Variants in APBB2 observed in about 807,000 individuals in gnomAD.
APBB2 encodes the protein amyloid beta precursor protein binding family B member 2.
In APBB2, 38 loss-of-function variants were observed where a neutral mutation model predicts 82.5. The ratio of observed to expected loss-of-function variants is 0.46; its 90% confidence interval spans 0.36 to 0.60. APBB2 has a LOEUF of 0.60. Among genes scored for constraint, APBB2 ranks in the 20% least tolerant of loss-of-function variants. The probability of loss-of-function intolerance (pLI) is 0.00; values close to 1 mark genes in which losing one functional copy is unlikely to be tolerated. For missense variants in APBB2, 772 were observed against 972.3 expected (o/e 0.79, Z 2.74); for synonymous variants, 341 against 368.2 (o/e 0.93, Z 0.85).
In APBB2 at chr4:41,013,619, G is replaced by A. The variant is rs372303089; in HGVS notation, c.799C>T (p.Gln267Ter). Residue 267 changes from glutamine to a stop codon, truncating the protein, a stop_gained, in exon 6 of 18, where the codon CAA (glutamine) becomes TAA (stop). Transcript: ENST00000508593. LOFTEE classifies it high-confidence loss of function. Reference protein sequence around the residue: ...DEESSWTTLSQDSASPSSPDE... With the variant: ...DEESSWTTLS ...GGGGAGCTGGGTGAGGCACTGTCTT[G>A]GGACAACGTTGTCCAGCTGGACTCC... 1 of 1,614,190 alleles carries A rather than the reference G, an allele frequency of 6.2e-7. No homozygotes were observed. Among genetic ancestry groups the A allele is most frequent in the East Asian group, 2.2e-5 (1 of 44,878 alleles).
intron 2 of APBB2, 41 bp from the exon 3 acceptor site, chr4:41,100,791 A>G (rs1745081321): frequency 6.6e-6 from 1 of 152,228 alleles, no homozygotes; most frequent in South Asian, 2.1e-4. Flanking sequence ...ATTCAAAATC[A>G]TATCAGAAAT....
At chr4:41,174,660 C>T (rs1357185055) in intron 1 of APBB2, among the ~76,000 whole-genome samples, 3 of 152,168 alleles carry the variant, frequency 2.0e-5, no homozygotes, top group Non-Finnish European at 4.4e-5. Flanking sequence ...GTATCTGACT[C>T]GCTTCATTGA....
chr4:41,040,779 A>G (rs1233064946), intron 4 of APBB2, among the ~76,000 whole-genome samples: 1 of 152,226 alleles, frequency 6.6e-6, no homozygotes, highest in African/African-American at 2.4e-5. Flanking sequence ...AACTAAAAAA[A>G]AGGGGCCTCT....
At chr4:40,843,369 A>C (rs1010177562) in intron 12 of APBB2, among the ~76,000 whole-genome samples, 1 of 152,202 alleles carries the variant, frequency 6.6e-6, no homozygotes, top group Admixed American at 6.5e-5. Flanking sequence ...GTGGAAAGGA[A>C]GAGCTGCTCA....
At chr4:40,850,951 A>C (rs1449029335) in intron 12 of APBB2, among the ~76,000 whole-genome samples, 2 of 152,184 alleles carry the variant, frequency 1.3e-5, no homozygotes, top group African/African-American at 2.4e-5. Flanking sequence ...GTCTCAAAAA[A>C]AAAATTTTTT....
intron 13 of APBB2, 44 bp from the exon 14 acceptor site, chr4:40,827,263 C>T: frequency 1.3e-6 from 2 of 1,554,954 alleles, no homozygotes; most frequent in Non-Finnish European, 1.8e-6. Flanking sequence ...GTTCAAGCCC[C>T]CATGTCTTCA....
intron 10 of APBB2, among the ~76,000 whole-genome samples, chr4:40,929,349 G>A (rs1456068305): frequency 3.9e-5 from 6 of 151,992 alleles, no homozygotes; most frequent in African/African-American, 7.3e-5. Flanking sequence ...TTGCTCTGTC[G>A]CCCAGGCTGA....
intron 1 of APBB2, among the ~76,000 whole-genome samples, chr4:41,152,361 C>T (rs866144049): frequency 1.3e-5 from 2 of 150,602 alleles, no homozygotes; most frequent in African/African-American, 2.4e-5. Context: ...CTCACTCTGT[C>T]GCCCAGGCTG....
chr4:41,162,397 C>T (rs1379867551), intron 1 of APBB2, among the ~76,000 whole-genome samples: 3 of 152,026 alleles, frequency 2.0e-5, no homozygotes, highest in Admixed American at 1.3e-4. Flanking sequence ...ACCATGGGGA[C>T]GATTCTGTCT....
At chr4:40,907,588 C>G (rs1165330449) in intron 10 of APBB2, among the ~76,000 whole-genome samples, 1 of 148,818 alleles carries the variant, frequency 6.7e-6, no homozygotes, top group African/African-American at 2.5e-5. Context: ...TTAGGCTGGT[C>G]TTGAATTCCT....
At chr4:40,920,138 G>A (rs912860332) in intron 10 of APBB2, among the ~76,000 whole-genome samples, 5 of 152,158 alleles carry the variant, frequency 3.3e-5, no homozygotes, top group Non-Finnish European at 5.9e-5. Flanking sequence ...GAGGGACATG[G>A]TGGGAGGTAA....
chr4:41,003,284 ACTCAAAGT>A (rs1165255923), intron 6 of APBB2, among the ~76,000 whole-genome samples: 5 of 152,264 alleles, frequency 3.3e-5, no homozygotes, highest in African/African-American at 1.2e-4. Flanking sequence ...AGTATATTCC[ACTCAAAGT>A]CTCACAAGAC....
chr4:40,873,073 G>A (rs1414376574), intron 12 of APBB2, among the ~76,000 whole-genome samples: 1 of 143,746 alleles, frequency 7.0e-6, no homozygotes, highest in Admixed American at 7.2e-5. Context: ...GGGCGACAGA[G>A]TGAGACTCCA....
At chr4:41,181,937 T>A (rs1443596756) in intron 1 of APBB2, among the ~76,000 whole-genome samples, 1 of 106,056 alleles carries the variant, frequency 9.4e-6, no homozygotes. Flanking sequence ...AGAGTGAAAC[T>A]GTCTCAAAAA....
chr4:40,896,944 T>C (rs1773842166), intron 10 of APBB2, among the ~76,000 whole-genome samples: 1 of 152,188 alleles, frequency 6.6e-6, no homozygotes, highest in Non-Finnish European at 1.5e-5. Flanking sequence ...AAGACAGCAA[T>C]GTTACTGTGA....
chr4:41,016,532 A>G (rs1221061711), intron 5 of APBB2, among the ~76,000 whole-genome samples: 1 of 152,058 alleles, frequency 6.6e-6, no homozygotes. Context: ...ATGGTGGCGC[A>G]TGCCGGTACT....
intron 1 of APBB2, among the ~76,000 whole-genome samples, chr4:41,212,969 A>G (rs542472733): frequency 6.6e-6 from 1 of 152,334 alleles, no homozygotes; most frequent in South Asian, 2.1e-4. Context: ...AAGTTCATGA[A>G]GAAATCCCCT....
At chr4:41,133,988 T>C (rs1296203198) in intron 2 of APBB2, among the ~76,000 whole-genome samples, 2 of 152,148 alleles carry the variant, frequency 1.3e-5, no homozygotes, top group Admixed American at 1.3e-4. Context: ...TTTTCTTTTT[T>C]TTTAGACAGT....
intron 4 of APBB2, among the ~76,000 whole-genome samples, chr4:41,034,176 T>C (rs1012816380): frequency 6.6e-6 from 1 of 152,228 alleles, no homozygotes; most frequent in Non-Finnish European, 1.5e-5. Flanking sequence ...GTGGATTCTA[T>C]TCTTCTGAAG....
Sources: gnomAD v4.1 joint callset for allele counts (sites outside exome capture counted in the v4.1 genomes callset) on GRCh38, gnomAD v4.1.1 for gene constraint, MANE v1.5 for transcripts, NCBI Gene and HGNC (gene_info 2026-07-23, HGNC 2026-07-21) for gene names.